Variants in RIN2 observed in about 807,000 individuals in gnomAD.
RIN2 encodes the protein RAB5 interacting protein 2.
Under a neutral mutation model 78.0 loss-of-function variants are expected in RIN2, and 36 were observed. The observed-to-expected ratio is 0.46, with a 90% CI of 0.35 to 0.61. The LOEUF is 0.61. Ranked by LOEUF, RIN2 falls within the 20% of genes least tolerant of loss-of-function variation. RIN2 has a pLI of 0.00. For synonymous variants in RIN2, 466 were observed against 466.8 expected (o/e 1.00, Z 0.02); for missense variants, 1,087 against 1,159.7 (o/e 0.94, Z 0.91).
At chr20:19,923,272 C>G (rs1054548192) in intron 3 of RIN2, among the ~76,000 whole-genome samples, 1 of 151,650 alleles carries the variant, frequency 6.6e-6, no homozygotes, top group South Asian at 2.1e-4. Context: ...AAAAATTAGC[C>G]AGGTGTGGTG....
chr20:19,903,630 G>A (rs750035398), intron 3 of RIN2, among the ~76,000 whole-genome samples: 2 of 152,126 alleles, frequency 1.3e-5, no homozygotes, highest in Non-Finnish European at 2.9e-5. Context: ...GTAGGCAGAC[G>A]CCAGAGATGC....
rs1240118882 is a variant in RIN2, at chr20:19,975,380, G to A, written c.1355G>A (p.Gly452Asp). 6.2e-7 allele frequency: 1 copy of A among 1,613,880 alleles called. No homozygotes were observed. Among genetic ancestry groups the A allele is most frequent in the African/African-American group, 1.3e-5 (1 of 74,952 alleles). The change falls in exon 9 of 13, where the codon GGC (glycine) becomes GAC (aspartate). Residue 452 changes from glycine to aspartate, a missense_variant. Transcript: ENST00000255006. This position sits in a 1 kb window ranked among gnomAD's most constrained non-coding sequence, Gnocchi z 4.9. ...LEFDRSMPLFGYEADTNSSLE... is the reference protein window; with the variant it reads ...LEFDRSMPLFDYEADTNSSLE... ...TTCGACCGGAGCATGCCTCTGTTTG[G>A]CTACGAGGCGGACACCAACAGCAGC... is the stretch of plus-strand genomic sequence containing the variant.
chr20:19,792,075 T>C (rs143483587), intron 1 of RIN2, among the ~76,000 whole-genome samples: 4,859 of 152,288 alleles, frequency 0.032, 95 homozygotes, highest in Non-Finnish European at 0.048. Context: ...GCCAGAGCAG[T>C]TGACAAGGCC....
At chr20:19,951,468 T>C (rs1462080382) in intron 4 of RIN2, among the ~76,000 whole-genome samples, 1 of 152,216 alleles carries the variant, frequency 6.6e-6, no homozygotes, top group East Asian at 1.9e-4. Context: ...GGGCACTTGA[T>C]GTCAGGGCAG....
At chr20:19,881,829 A>G (rs899669059) in intron 2 of RIN2, among the ~76,000 whole-genome samples, 2 of 152,224 alleles carry the variant, frequency 1.3e-5, no homozygotes, top group Admixed American at 6.5e-5. Flanking sequence ...TTAGTAAACA[A>G]AACAAAAAAC....
At chr20:19,859,145 CAG>C (rs1466212551) in intron 2 of RIN2, among the ~76,000 whole-genome samples, 3 of 152,192 alleles carry the variant, frequency 2.0e-5, no homozygotes, top group South Asian at 2.1e-4. Flanking sequence ...ATTGATGAAT[CAG>C]AGTCTCCTTA....
chr20:19,834,629 G>A (rs558384089), intron 2 of RIN2, among the ~76,000 whole-genome samples: 1 of 152,338 alleles, frequency 6.6e-6, no homozygotes, highest in East Asian at 1.9e-4. Flanking sequence ...TTAGTCTTCA[G>A]ATTTCATAAA....
intron 2 of RIN2, among the ~76,000 whole-genome samples, chr20:19,860,235 TG>T (rs899644099): frequency 2.0e-5 from 3 of 152,206 alleles, no homozygotes; most frequent in Non-Finnish European, 1.5e-5. Flanking sequence ...AAGTCAGAAA[TG>T]GAACTCCTGA....
intron 1 of RIN2, among the ~76,000 whole-genome samples, chr20:19,773,788 C>A (rs568855402): frequency 6.6e-6 from 1 of 151,670 alleles, no homozygotes; most frequent in East Asian, 1.9e-4. Context: ...GGGAGATGTG[C>A]GGTACAATTT....
At chr20:19,800,627 C>CA (rs1187894263) in intron 2 of RIN2, among the ~76,000 whole-genome samples, 1 of 152,222 alleles carries the variant, frequency 6.6e-6, no homozygotes, top group Non-Finnish European at 1.5e-5. Flanking sequence ...GCCCCACTGA[C>CA]ATGGGACTTA....
intron 1 of RIN2, among the ~76,000 whole-genome samples, chr20:19,784,912 G>A (rs538736158): frequency 1.0e-3 from 159 of 152,278 alleles, no homozygotes; most frequent in Non-Finnish European, 2.0e-3. Flanking sequence ...AAACTAGGAA[G>A]GGCACTGCCC....
chr20:19,997,252 C>T (rs971693824), intron 12 of RIN2, among the ~76,000 whole-genome samples: 2 of 152,170 alleles, frequency 1.3e-5, no homozygotes, highest in Non-Finnish European at 2.9e-5. Flanking sequence ...TTTCTCTCGC[C>T]CACTCTCCAA....
At chr20:19,809,941 A>T (rs971483504) in intron 2 of RIN2, among the ~76,000 whole-genome samples, 3 of 151,770 alleles carry the variant, frequency 2.0e-5, no homozygotes, top group African/African-American at 7.3e-5. Flanking sequence ...AGCCCAGGAA[A>T]GCTAGATGGC....
Position 19,774,261 on chromosome 20 carries a change from G to A in RIN2, c.-163+15934G>A, listed in dbSNP as rs148081805. Among the ~76,000 whole-genome samples the A allele has an allele frequency of 1.9e-3, 292 of 152,292 alleles. 2 individuals are homozygous for A. The highest frequency in any genetic ancestry group is 6.7e-3 in the African/African-American group (278 of 41,558). ...GCCAAGTACCAGTTCACTGAATCAG[G>A]AGAGAGCCCTGGGATTGCTGAAGAG... On this transcript the variant is annotated intron_variant, in intron 1 of 12. Transcript: ENST00000255006.
At chr20:19,902,188 G>GCATACA (rs2039018786) in intron 3 of RIN2, among the ~76,000 whole-genome samples, 2 of 152,260 alleles carry the variant, frequency 1.3e-5, no homozygotes, top group African/African-American at 4.8e-5. Context: ...AGTATGTGGT[G>GCATACA]GCTCCGTGGA....
chr20:19,967,279 G>A (rs917827094), intron 7 of RIN2, among the ~76,000 whole-genome samples: 1 of 152,174 alleles, frequency 6.6e-6, no homozygotes, highest in Admixed American at 6.5e-5. Context: ...CAAAATTGAT[G>A]TTTTGCAGGT....
At chr20:19,951,124 G>T (rs2041300074) in intron 4 of RIN2, among the ~76,000 whole-genome samples, 1 of 151,946 alleles carries the variant, frequency 6.6e-6, no homozygotes, top group Admixed American at 6.6e-5. Flanking sequence ...AAACTCCTGA[G>T]GTCAAGCGAT....
At chr20:19,833,803 A>G (rs1187006311) in intron 2 of RIN2, among the ~76,000 whole-genome samples, 1 of 152,162 alleles carries the variant, frequency 6.6e-6, no homozygotes, top group East Asian at 1.9e-4. Flanking sequence ...CCCGTGGCTG[A>G]CTAGCACAGG....
intron 3 of RIN2, among the ~76,000 whole-genome samples, chr20:19,904,379 G>A (rs777181818): frequency 1.3e-5 from 2 of 151,886 alleles, no homozygotes; most frequent in African/African-American, 4.8e-5. Context: ...CAATGGTGAG[G>A]CCAGCCCTGG....
Sources: gnomAD v4.1 joint callset for allele counts (sites outside exome capture counted in the v4.1 genomes callset) on GRCh38, gnomAD v4.1.1 for gene constraint, Gnocchi (gnomAD v3.1) non-coding constraint, MANE v1.5 for transcripts, NCBI Gene and HGNC (gene_info 2026-07-23, HGNC 2026-07-21) for gene names.